The following CD163L1 variants were observed in gnomAD, a reference collection of about 807,000 sequenced individuals.
The protein encoded by CD163L1 is scavenger receptor cysteine-rich type 1 protein M160.
Under a neutral mutation model 165.4 loss-of-function variants are expected in CD163L1, and 124 were observed. That is an observed-to-expected ratio of 0.75 (90% confidence interval 0.65 to 0.87). The LOEUF (loss-of-function observed/expected upper bound fraction) is 0.87. Among genes scored for constraint, CD163L1 ranks in the 40% least tolerant of loss-of-function variants. CD163L1 has a pLI of 0.00. For synonymous variants in CD163L1, 585 were observed against 662.2 expected, an observed-to-expected ratio of 0.88 and a Z score of 1.79; for missense variants, 1,525 against 1,799.9, an observed-to-expected ratio of 0.85 and a Z score of 2.76.
At chr12:7,440,348 C>T (rs551392439) in intron 2 of CD163L1, among the ~76,000 whole-genome samples, 2 of 151,508 alleles carry the variant, frequency 1.3e-5, no homozygotes, top group Non-Finnish European at 3.0e-5. Context: ...ACCGGCCCTG[C>T]CGCCATCCCC....
At chr12:7,324,302 A>G in the CD163L1 span, 6 of 1,613,596 alleles carry the variant, frequency 3.7e-6, no homozygotes, top group Non-Finnish European at 5.1e-6. Context: ...CTGCCACGAT[A>G]AGAGGAGATT....
intron 2 of CD163L1, 136 bp downstream of exon 2, chr12:7,441,018 C>A: frequency 3.4e-6 from 2 of 590,654 alleles, no homozygotes; most frequent in Non-Finnish European, 6.1e-6. Context: ...CCTTTATTTA[C>A]AGGGTATAGC....
downstream of CD163L1, among the ~76,000 whole-genome samples, chr12:7,345,691 G>A (rs1229574354): frequency 6.6e-6 from 1 of 152,182 alleles, no homozygotes; most frequent in Non-Finnish European, 1.5e-5. Context: ...GGCTGTTCTT[G>A]TGTTGCTACA....
At position 7,406,529 on chromosome 12, in the gene CD163L1, T is replaced by C; in HGVS notation, c.1087+3A>G. 4.3e-6 allele frequency: 7 copies of C among 1,613,576 alleles called. No homozygotes were observed. Among genetic ancestry groups the C allele is most frequent in the Non-Finnish European group, 5.9e-6 (7 of 1,179,832 alleles). On this transcript the variant is annotated splice_donor_region_variant and intron_variant, in intron 5 of 19. Transcript: ENST00000313599. ...GATGTAATCATGTGGATGTAAGTCT[T>C]ACCTGAGCAGATCACAGACACATCG...
At chr12:7,421,095 A>ATATATACG (rs796912217) in intron 4 of CD163L1, among the ~76,000 whole-genome samples, 1 of 109,660 alleles carries the variant, frequency 9.1e-6, no homozygotes, top group Non-Finnish European at 1.7e-5. Context: ...ACGTATATAT[A>ATATATACG]TGTATATATA....
In CD163L1 at chr12:7,432,495, C is replaced by A; in HGVS notation, c.687G>T (p.Leu229Phe). ...CACGATGTCTGCAATTCCAGAGTGC[C>A]AACTCATTCCCCTGGCATAAAATGT... Reference protein sequence around the residue: ...LDDILCQGNELALWNCRHRGW... With the variant: ...LDDILCQGNEFALWNCRHRGW... Residue 229 changes from leucine to phenylalanine, a missense_variant, in exon 4 of 20, where the codon TTG (leucine) becomes TTT (phenylalanine). Transcript: ENST00000313599. The surrounding 1 kb of genome is among the most constrained non-coding windows in gnomAD (Gnocchi z 4.2). 6.2e-7 allele frequency: 1 copy of A among 1,614,112 alleles called. No individual in the cohort carries two copies.
chr12:7,415,067 G>C (rs1403616753), intron 4 of CD163L1, among the ~76,000 whole-genome samples: 1 of 152,098 alleles, frequency 6.6e-6, no homozygotes, highest in Admixed American at 6.6e-5. Flanking sequence ...CTGTAATGAT[G>C]ATGTGTAAAC....
downstream of CD163L1, among the ~76,000 whole-genome samples, chr12:7,343,945 C>T (rs1946652956): frequency 6.6e-6 from 1 of 152,180 alleles, no homozygotes; most frequent in Admixed American, 6.5e-5. Flanking sequence ...ATCAAACTCA[C>T]TTTATTTACT....
the CD163L1 span, among the ~76,000 whole-genome samples, chr12:7,318,940 G>A: frequency 3.9e-5 from 6 of 152,194 alleles, no homozygotes; most frequent in Non-Finnish European, 7.3e-5. Flanking sequence ...TGGATTCGTG[G>A]AAGACAATTT....
At chr12:7,409,306 T>C (rs1948087377) in intron 4 of CD163L1, among the ~76,000 whole-genome samples, 1 of 152,146 alleles carries the variant, frequency 6.6e-6, no homozygotes, top group African/African-American at 2.4e-5. Flanking sequence ...GCACACAAAG[T>C]TCAGAACCCA....
intron 8 of CD163L1, among the ~76,000 whole-genome samples, chr12:7,393,643 C>T (rs989114864): frequency 2.0e-5 from 3 of 152,180 alleles, no homozygotes; most frequent in African/African-American, 7.2e-5. Flanking sequence ...TCCCTGTTTG[C>T]AGATGACATG....
rs1199798907 is a variant in CD163L1 at position 7,375,595 on chromosome 12, C to A, written c.2687G>T (p.Arg896Leu). Residue 896 changes from arginine (R) to leucine (L), a missense_variant and splice_region_variant, in exon 11 of 20, where the codon CGA (arginine) becomes CTA (leucine). Arg to Leu is a moderately radical substitution (Grantham distance 102). Coordinates refer to ENST00000313599, the MANE Select transcript of CD163L1 (RefSeq NM_174941.6). ...HSREVGVVCSRYTDVRLVNGK... is the reference protein window; with the variant it reads ...HSREVGVVCSLYTDVRLVNGK... ...ATTCACAAGTCGGACATCTGTATATCCTAGGAGGAGACAAGGCCATAGAAG... is the reference window on the plus strand; with the variant it reads ...ATTCACAAGTCGGACATCTGTATATACTAGGAGGAGACAAGGCCATAGAAG... 6.2e-7 allele frequency: 1 copy of A among 1,612,090 alleles called. No individual in the cohort carries two copies. Among genetic ancestry groups the A allele is most frequent in the Admixed American group, 1.7e-5 (1 of 60,012 alleles).
Position 7,375,894 on chromosome 12 carries a change from A to G in CD163L1, c.2492T>C (p.Val831Ala). Residue 831 changes from valine (V) to alanine (A), a missense_variant, in exon 10 of 20, where the codon GTG (valine) becomes GCG (alanine). Val to Ala is a moderately conservative substitution (Grantham distance 64). Coordinates refer to ENST00000313599, the MANE Select transcript of CD163L1 (RefSeq NM_174941.6). ...DSDFSLHAAN[V>A]LCRELNCGDA... ...TCCACAGTTTAATTCTCTGCACAGC[A>G]CATTGGCAGCATGAAGAGAGAAATC... is the stretch of plus-strand genomic sequence containing the variant. 6.2e-7 allele frequency: 1 copy of G among 1,614,254 alleles called. No homozygotes were observed. The highest frequency in any genetic ancestry group is 1.7e-5 in the Admixed American group (1 of 60,032).
intron 6 of CD163L1, among the ~76,000 whole-genome samples, chr12:7,401,233 A>C (rs1356074531): frequency 6.6e-6 from 1 of 152,150 alleles, no homozygotes; most frequent in African/African-American, 2.4e-5. Flanking sequence ...CCATGAACCC[A>C]TATACATAAA....
chr12:7,320,732 C>T, the CD163L1 span: 1 of 1,613,304 alleles, frequency 6.2e-7, no homozygotes, highest in East Asian at 2.2e-5. Flanking sequence ...CAGACACTTA[C>T]TACTTATCCC....
intron 4 of CD163L1, among the ~76,000 whole-genome samples, chr12:7,420,297 G>T (rs1948323698): frequency 1.3e-5 from 2 of 151,886 alleles, no homozygotes; most frequent in African/African-American, 4.8e-5. Context: ...GTTGGCTTAG[G>T]CAAAGACTTC....
chr12:7,392,285 C>A (rs1433750533), intron 8 of CD163L1, among the ~76,000 whole-genome samples: 3 of 152,182 alleles, frequency 2.0e-5, no homozygotes, highest in Non-Finnish European at 4.4e-5. Flanking sequence ...CAAAACCACA[C>A]AACTACATGG....
At chr12:7,331,288 A>C in the CD163L1 span, among the ~76,000 whole-genome samples, 1 of 152,230 alleles carries the variant, frequency 6.6e-6, no homozygotes, top group South Asian at 2.1e-4. Context: ...AGTGGCCAGG[A>C]AGCTCAAACT....
intron 11 of CD163L1, 145 bp downstream of exon 11, chr12:7,375,136 T>G: frequency 1.2e-6 from 1 of 865,678 alleles, no homozygotes; most frequent in Non-Finnish European, 1.8e-6. Context: ...TATCATTATT[T>G]CTTACATGTT....
Sources: gnomAD v4.1 joint callset for allele counts (sites outside exome capture counted in the v4.1 genomes callset) on GRCh38, gnomAD v4.1.1 for gene constraint, Gnocchi (gnomAD v3.1) non-coding constraint, MANE v1.5 for transcripts, NCBI Gene and HGNC (gene_info 2026-07-23, HGNC 2026-07-21) for gene names.